MKI67: variants seen among roughly 807,000 people sequenced by gnomAD.
The protein encoded by MKI67 is marker of proliferation Ki-67.
Under a neutral mutation model 233.5 loss-of-function variants are expected in MKI67, and 152 were observed. That is an observed-to-expected ratio of 0.65 (90% confidence interval 0.57 to 0.74). MKI67 has a LOEUF of 0.74. Ranked by LOEUF, MKI67 falls within the 30% of genes least tolerant of loss-of-function variation. MKI67 has a pLI of 0.00. For synonymous variants in MKI67, 1,465 were observed against 1,418.5 expected, an observed-to-expected ratio of 1.03 and a Z score of -0.74; for missense variants, 3,940 against 3,885.2, an observed-to-expected ratio of 1.01 and a Z score of -0.37.
Position 128,115,430 on chromosome 10 carries a change from A to C in MKI67, c.978T>G (p.Val326=). Reference sequence around the variant, plus strand: ...CGCCCACAGCCTTGCTGGGAGTCTGAACAGACTCCACGTCTCTTCCCTTCC... The same window carrying C: ...CGCCCACAGCCTTGCTGGGAGTCTGCACAGACTCCACGTCTCTTCCCTTCC... The part of the protein sequence containing the change: ...NKGKGRDVES[V]QTPSKAVGAS... The change falls in exon 7 of 15, where the codon GTT becomes GTG. Residue 326 remains valine, a synonymous_variant. Transcript: ENST00000368654. 3.1e-6 allele frequency: 5 copies of C among 1,613,972 alleles called. No homozygotes were observed. The highest frequency in any genetic ancestry group is 4.2e-6 in the Non-Finnish European group (5 of 1,179,948).
chr10:128,106,280 T>C lies in MKI67; in HGVS notation c.5560A>G (p.Thr1854Ala), dbSNP rs577423081. The change falls in exon 13 of 15, where the codon ACC (threonine) becomes GCC (alanine). Residue 1854 changes from threonine (T) to alanine (A), a missense_variant. By Grantham distance (58) the Thr-to-Ala change is moderately conservative (BLOSUM62 0). Transcript: ENST00000368654. ...TDNPTTDEKT[T>A]KKILCKSPQS... The stretch of plus-strand genomic sequence containing the variant: ...GGAGATTTGCAGAGTATTTTTTTGG[T>C]AGTTTTCTCATCAGTCGTGGGGTTA... 38 of 1,613,918 alleles carry C rather than the reference T, an allele frequency of 2.4e-5. No homozygotes were observed. In the South Asian group the frequency reaches 4.1e-4, roughly 17 times the overall value.
rs755537672 is a variant in MKI67 at position 128,105,769 on chromosome 10, T to C, written c.6071A>G (p.Lys2024Arg). Reference sequence around the variant, plus strand: ...TGTCTCTCTGTGTGTCTGTGTGGTCTTCCCTGACGTCTGTGTGAGCTTGCC... The same window carrying C: ...TGTCTCTCTGTGTGTCTGTGTGGTCCTCCCTGACGTCTGTGTGAGCTTGCC... ...PVGKLTQTSGKTTQTHRETAG... is the reference protein window; with the variant it reads ...PVGKLTQTSGRTTQTHRETAG... Residue 2024 changes from lysine to arginine, a missense_variant, in exon 13 of 15, where the codon AAG becomes AGG. Coordinates refer to ENST00000368654, the MANE Select transcript of MKI67 (RefSeq NM_002417.5). 1 of 1,614,146 alleles carries C rather than the reference T, an allele frequency of 6.2e-7. No individual in the cohort carries two copies. Among genetic ancestry groups the C allele is most frequent in the South Asian group, 1.1e-5 (1 of 91,080 alleles).
intron 11 of MKI67, 149 bp downstream of exon 11, chr10:128,111,495 TC>T: frequency 1.4e-6 from 1 of 737,444 alleles, no homozygotes; most frequent in Non-Finnish European, 2.1e-6. Context: ...AGCTTTATCT[TC>T]CCTGAACACT....
chr10:128,111,624 G>C, intron 11 of MKI67, 21 bp downstream of exon 11: 1 of 1,557,394 alleles, frequency 6.4e-7, no homozygotes, highest in Non-Finnish European at 8.7e-7. Context: ...AGATTTATAA[G>C]ATCTAAGACT....
Position 128,106,536 on chromosome 10 carries a change from A to C in MKI67, c.5304T>G (p.Phe1768Leu), listed in dbSNP as rs752047412. The C allele has an allele frequency of 6.2e-7, 1 of 1,613,612 alleles. No individual in the cohort carries two copies. Among genetic ancestry groups the C allele is most frequent in the Middle Eastern group, 1.7e-4 (1 of 6,060 alleles). Residue 1768 changes from phenylalanine to leucine, a missense_variant, in exon 13 of 15, where the codon TTT becomes TTG. Physicochemically the swap from Phe to Leu is conservative, Grantham distance 22. Transcript: ENST00000368654. ...SLRKADTEEE[F>L]LAFRKQTPSA... is the part of the protein sequence containing the mutation. Reference sequence around the variant, plus strand: ...ATGGCGTTTGTTTCCTAAATGCTAAAAATTCTTCTTCAGTGTCTGCTTTCC... The same window carrying C: ...ATGGCGTTTGTTTCCTAAATGCTAACAATTCTTCTTCAGTGTCTGCTTTCC...
chr10:128,120,724 T>C (rs549425962), intron 4 of MKI67, among the ~76,000 whole-genome samples: 1 of 152,216 alleles, frequency 6.6e-6, no homozygotes, highest in South Asian at 2.1e-4. Context: ...AACTAATACG[T>C]TGTCTACAAG....
Position 128,103,063 on chromosome 10 carries a change from T to G in MKI67, c.8777A>C (p.Gln2926Pro). The G allele has an allele frequency of 6.2e-7, 1 of 1,614,232 alleles. No homozygotes were observed. The highest frequency in any genetic ancestry group is 1.3e-5 in the African/African-American group (1 of 75,066). ...EDLASFQELS[Q>P]TPGHTEELAN... ...CAGTTCCTCAGTGTGGCCTGGTGTTTGAGAGAGCTCTTGGAAGCTGGCCAG... is the reference window on the plus strand; with the variant it reads ...CAGTTCCTCAGTGTGGCCTGGTGTTGGAGAGAGCTCTTGGAAGCTGGCCAG... The change falls in exon 13 of 15, where the codon CAA (glutamine) becomes CCA (proline). Residue 2926 changes from glutamine (Q) to proline (P), a missense_variant. Transcript: ENST00000368654.
chr10:128,114,946 T>G lies in MKI67; in HGVS notation c.1462A>C (p.Asn488His). The change falls in exon 7 of 15, where the codon AAC (asparagine) becomes CAC (histidine). Residue 488 changes from asparagine (N) to histidine (H), a missense_variant. Transcript: ENST00000368654. ...LPGLSSVDIN[N>H]FGDSINESEG... ...AACTTACTAATGGAATCACCAAAGT[T>G]GTTGATATCAACTGAACTAAGACCA... The G allele has an allele frequency of 6.4e-7, 1 of 1,556,242 alleles. No homozygotes were observed. Among genetic ancestry groups the G allele is most frequent in the Non-Finnish European group, 8.7e-7 (1 of 1,151,338 alleles).
At position 128,108,025 on chromosome 10, in the gene MKI67, C is replaced by G. The variant is rs747510433; in HGVS notation, c.3815G>C (p.Ser1272Thr). 1 of 1,612,970 alleles carries G rather than the reference C, an allele frequency of 6.2e-7. No homozygotes were observed. Among genetic ancestry groups the G allele is most frequent in the South Asian group, 1.1e-5 (1 of 91,016 alleles). Residue 1272 changes from serine (S) to threonine (T), a missense_variant, in exon 13 of 15, where the codon AGT (serine) becomes ACT (threonine). Physicochemically the swap from Ser to Thr is moderately conservative, Grantham distance 58 (BLOSUM62 1). Coordinates refer to ENST00000368654, the MANE Select transcript of MKI67 (RefSeq NM_002417.5). ...PTSTKQRPKR[S>T]IRKADVEGEL... is the part of the protein sequence containing the mutation. The stretch of plus-strand genomic sequence containing the variant: ...TCCCTCTACATCTGCTTTCCTGATA[C>G]TTCTCTTGGGTCGTTGCTTTGTGCT...
chr10:128,102,509 G>T (rs1441611848), intron 13 of MKI67, 70 bp downstream of exon 13: 1 of 1,543,358 alleles, frequency 6.5e-7, no homozygotes, highest in Admixed American at 1.8e-5. Context: ...CAGGTTACAT[G>T]CAAAGTATAA....
rs896721891 is a variant in MKI67, at chr10:128,125,392, G to A, written c.92+184C>T. Among the ~76,000 whole-genome samples the A allele has an allele frequency of 6.6e-6, 1 of 152,074 alleles. No individual in the cohort carries two copies. Among genetic ancestry groups the A allele is most frequent in the African/African-American group, 2.4e-5 (1 of 41,396 alleles). ...TAAAACCACTTAAACATACAAACTA[G>A]CATCAAATTTATACTTACAAAACAA... On this transcript the variant is annotated intron_variant, in intron 2 of 14. Coordinates refer to ENST00000368654, the MANE Select transcript of MKI67 (RefSeq NM_002417.5). This position sits in a 1 kb window ranked among gnomAD's most constrained non-coding sequence, Gnocchi z 5.3.
chr10:128,103,682 T>A lies in MKI67; in HGVS notation c.8158A>T (p.Thr2720Ser). 1 of 1,613,954 alleles carries A rather than the reference T, an allele frequency of 6.2e-7. No homozygotes were observed. The highest frequency in any genetic ancestry group is 8.5e-7 in the Non-Finnish European group (1 of 1,180,006). Residue 2720 changes from threonine (T) to serine (S), a missense_variant, in exon 13 of 15, where the codon ACA (threonine) becomes TCA (serine). Transcript: ENST00000368654. The stretch of plus-strand genomic sequence containing the variant: ...ACACGTGTCCTGAGATGCCTCTTTG[T>A]GCTTGCTGTGGTGTCTACCACTTCT... Reference protein sequence around the residue: ...PLEVVDTTASTKRHLRTRVQK... With the variant: ...PLEVVDTTASSKRHLRTRVQK...
chr10:128,103,518 C>T lies in MKI67; in HGVS notation c.8322G>A (p.Pro2774=), dbSNP rs577181136. The T allele has an allele frequency of 7.4e-6, 12 of 1,612,770 alleles. No individual in the cohort carries two copies. Among genetic ancestry groups the T allele is most frequent in the South Asian group, 6.6e-5 (6 of 91,022 alleles). The change falls in exon 13 of 15, where the codon CCG becomes CCA. Residue 2774 remains proline, a synonymous_variant. Transcript: ENST00000368654. ...TGCCAGTTACACTTGCTGCTGGAGC[C>T]GGTGTCTGTTTTGCAGATTCCTTCA... The part of the protein sequence containing the change: ...KALKESAKQT[P]APAASVTGSR...
chr10:128,120,417 G>A (rs7074966), intron 4 of MKI67, among the ~76,000 whole-genome samples: 60,502 of 151,804 alleles, frequency 0.4, 12,211 homozygotes, highest in East Asian at 0.47. Flanking sequence ...ACTTGAACCC[G>A]GGAGGCGGAG....
rs1852995141 is a variant in MKI67 at position 128,123,579 on chromosome 10, T to C, written c.93-410A>G. 2.0e-5 allele frequency among the ~76,000 whole-genome samples: 3 copies of C among 152,258 alleles called. No individual in the cohort carries two copies. The South Asian group carries it at 6.2e-4, about 31-fold the overall frequency. On this transcript the variant is annotated intron_variant, in intron 2 of 14. Coordinates refer to ENST00000368654, the MANE Select transcript of MKI67 (RefSeq NM_002417.5). ...GTTTAATCATCCCCAAATGTGCTTA[T>C]TTGATGCTAGCACTTCTGTGCATCA...
chr10:128,126,023 C>T (rs2136154673), intron 1 of MKI67, 76 bp downstream of exon 1: 2 of 301,202 alleles, frequency 6.6e-6, no homozygotes, highest in South Asian at 3.1e-5. Context: ...CCTGCCCGTC[C>T]CCGCAGAGCT....
chr10:128,098,853 C>T lies in MKI67; in HGVS notation c.*337G>A, dbSNP rs115921101. On this transcript the variant is annotated 3_prime_UTR_variant, in exon 15 of 15. Transcript: ENST00000368654. ...GCCCTGGAGGACATAGGCAAACAAA[C>T]GACGACACAGTGTGGCAAGTGTCAC... The T allele has an allele frequency of 8.5e-3, 1,593 of 188,402 alleles. 20 individuals carry two copies. The highest frequency in any genetic ancestry group is 0.034 in the African/African-American group (1,459 of 42,790). 11.7% of individuals were successfully genotyped at this position (188,402 alleles called of 1,614,324 possible).
chr10:128,125,532 CCT>C lies in MKI67; in HGVS notation c.92+42_92+43del. 6.6e-7 allele frequency: 1 copy of C among 1,504,550 alleles called. No individual in the cohort carries two copies. The highest frequency in any genetic ancestry group is 2.3e-5 in the East Asian group (1 of 44,314). 93.2% of individuals were successfully genotyped at this position (1,504,550 alleles called of 1,614,324 possible). A position where few individuals can be genotyped will look rare whatever the true frequency, so the allele number is the denominator to read the frequency against. On this transcript the variant is annotated intron_variant, in intron 2 of 14. Coordinates refer to ENST00000368654, the MANE Select transcript of MKI67 (RefSeq NM_002417.5). This position sits in a 1 kb window ranked among gnomAD's most constrained non-coding sequence, Gnocchi z 5.3. ...CTTTATTCTGTGACTAAGGTATTTT[CCT>C]CTTTCTCAGCTAAAACGTCCGCGCG...
rs1220644423 is a variant in MKI67, at chr10:128,116,440, G to A, written c.400+51C>T. 11 of 1,533,988 alleles carry A rather than the reference G, an allele frequency of 7.2e-6. 1 individual carries two copies. Among genetic ancestry groups the A allele is most frequent in the Middle Eastern group, 1.7e-4 (1 of 5,930 alleles). Reference sequence around the variant, plus strand: ...TGCCCCTTCTTTGCCAATATGCTTCGCAAAGACCTGATCTTTCAGGATTCT... The same window carrying A: ...TGCCCCTTCTTTGCCAATATGCTTCACAAAGACCTGATCTTTCAGGATTCT... On this transcript the variant is annotated intron_variant, in intron 6 of 14. Transcript: ENST00000368654.
Sources: allele counts gnomAD v4.1 joint callset (sites outside exome capture counted in the v4.1 genomes callset), GRCh38; gene constraint gnomAD v4.1.1; non-coding constraint Gnocchi (gnomAD v3.1); transcripts MANE v1.5; gene names NCBI Gene and HGNC (gene_info 2026-07-23, HGNC 2026-07-21).